RAB1A: variants seen among roughly 807,000 people sequenced by gnomAD.
RAB1A encodes ras-related protein Rab-1A.
A neutral mutation model predicts 26.0 loss-of-function variants in RAB1A; 2 were observed. The observed-to-expected ratio is 0.08, with a 90% CI of 0.03 to 0.24. The LOEUF (loss-of-function observed/expected upper bound fraction) is 0.24, where lower values mean the gene tolerates loss of function less well. Ranked by LOEUF, RAB1A falls within the 10% of genes least tolerant of loss-of-function variation. The pLI, the probability that RAB1A is intolerant of heterozygous loss-of-function variation, is 1.00. For missense variants in RAB1A, 100 were observed against 247.0 expected (o/e 0.40, Z 3.99); for synonymous variants, 84 against 84.9 (o/e 0.99, Z 0.06).
intron 1 of RAB1A, among the ~76,000 whole-genome samples, chr2:65,109,387 C>T (rs1669642387): frequency 6.6e-6 from 1 of 152,006 alleles, no homozygotes; most frequent in Non-Finnish European, 1.5e-5. Context: ...GTGAAAAAAA[C>T]TAAATTATGC....
chr2:65,123,090 G>A (rs112156227), intron 1 of RAB1A, among the ~76,000 whole-genome samples: 1 of 938 alleles, frequency 1.1e-3, no homozygotes, highest in Non-Finnish European at 2.3e-3. Flanking sequence ...ACCCAGAAGA[G>A]AAAACACACA....
At chr2:65,112,273 T>C (rs1389258274) in intron 1 of RAB1A, among the ~76,000 whole-genome samples, 1 of 150,854 alleles carries the variant, frequency 6.6e-6, no homozygotes, top group African/African-American at 2.4e-5. Context: ...TCAGCCTCCC[T>C]AGTAGCTGGG....
Position 65,129,988 on chromosome 2 carries a change from G to C in RAB1A, c.-73C>G. 6.6e-7 allele frequency: 1 copy of C among 1,508,380 alleles called. No homozygotes were observed. The highest frequency in any genetic ancestry group is 1.4e-5 in the African/African-American group (1 of 72,314). 93.4% of individuals were successfully genotyped at this position (1,508,380 alleles called of 1,614,324 possible). ...CGCCGCCCTGACTCTCCGCGCCACG[G>C]GTAATCGAAAGAAAGGAATGAGATA... On this transcript the variant is annotated 5_prime_UTR_variant, in exon 1 of 6. Coordinates refer to ENST00000409784, the MANE Select transcript of RAB1A (RefSeq NM_004161.5).
chr2:65,121,695 T>C (rs767306613), intron 1 of RAB1A, among the ~76,000 whole-genome samples: 42 of 152,130 alleles, frequency 2.8e-4, no homozygotes, highest in Admixed American at 5.9e-4. Flanking sequence ...CTTCCCTAAA[T>C]TACATTCCAG....
At chr2:65,104,433 C>T (rs1169739969) in intron 2 of RAB1A, among the ~76,000 whole-genome samples, 1 of 152,186 alleles carries the variant, frequency 6.6e-6, no homozygotes, top group Non-Finnish European at 1.5e-5. Flanking sequence ...GCTTTCAACA[C>T]AGGCCACCAA....
Position 65,130,040 on chromosome 2 carries a change from C to T in RAB1A, c.-125G>A. 1 of 1,070,378 alleles carries T rather than the reference C, an allele frequency of 9.3e-7. No homozygotes were observed. Among genetic ancestry groups the T allele is most frequent in the South Asian group, 1.3e-5 (1 of 74,162 alleles). The allele number at this position is 1,070,378 out of a possible 1,614,324, so 66.3% of individuals were successfully genotyped here. A position where few individuals can be genotyped will look rare whatever the true frequency, so the allele number is the denominator to read the frequency against. The stretch of plus-strand genomic sequence containing the variant: ...GCTGTTCCGGGAGAGCAAACGTCTT[C>T]CCCTACTCCGTCCCCTAGAACACAA... On this transcript the variant is annotated 5_prime_UTR_variant, in exon 1 of 6. Transcript: ENST00000409784.
chr2:65,113,890 T>G (rs1458128865), intron 1 of RAB1A, among the ~76,000 whole-genome samples: 1 of 152,232 alleles, frequency 6.6e-6, no homozygotes, highest in East Asian at 1.9e-4. Context: ...GTTTCTTCTT[T>G]ATACCTTTTT....
At chr2:65,089,765 C>T (rs548870862) in intron 4 of RAB1A, among the ~76,000 whole-genome samples, 20 of 147,410 alleles carry the variant, frequency 1.4e-4, no homozygotes, top group Admixed American at 1.4e-4. Context: ...TGCAATGGCG[C>T]GATCTCGGCT....
At chr2:65,120,617 T>C (rs1034739600) in intron 1 of RAB1A, among the ~76,000 whole-genome samples, 2 of 152,048 alleles carry the variant, frequency 1.3e-5, no homozygotes, top group African/African-American at 2.4e-5. Context: ...TAATCTGAGG[T>C]TCATGAACAG....
At chr2:65,118,570 C>G (rs1205089336) in intron 1 of RAB1A, among the ~76,000 whole-genome samples, 2 of 152,100 alleles carry the variant, frequency 1.3e-5, no homozygotes. Context: ...CTCTGCCTCC[C>G]GGGTTCAAGC....
chr2:65,112,234 C>T (rs1340349318), intron 1 of RAB1A, among the ~76,000 whole-genome samples: 4 of 151,522 alleles, frequency 2.6e-5, no homozygotes, highest in Non-Finnish European at 5.9e-5. Flanking sequence ...CAACCTCCAC[C>T]TCCCCCGGGT....
intron 1 of RAB1A, among the ~76,000 whole-genome samples, chr2:65,112,643 T>C (rs1199097021): frequency 6.6e-6 from 1 of 152,192 alleles, no homozygotes; most frequent in Non-Finnish European, 1.5e-5. Flanking sequence ...AAGTTCACTC[T>C]ATGAGAAAGC....
intron 3 of RAB1A, among the ~76,000 whole-genome samples, chr2:65,094,445 G>C (rs977587346): frequency 6.6e-6 from 1 of 152,046 alleles, no homozygotes; most frequent in Admixed American, 6.6e-5. Flanking sequence ...TTAGCCCGGC[G>C]TGGTGGCACA....
chr2:65,091,227 A>G, intron 3 of RAB1A, 149 bp from the exon 4 acceptor site: 1 of 579,652 alleles, frequency 1.7e-6, no homozygotes, highest in Non-Finnish European at 3.1e-6. Context: ...TCATACCACT[A>G]AATTGCACGG....
chr2:65,099,865 A>C, intron 2 of RAB1A, among the ~76,000 whole-genome samples: 1 of 152,212 alleles, frequency 6.6e-6, no homozygotes, highest in Non-Finnish European at 1.5e-5. Flanking sequence ...TTCTAATTAC[A>C]GAAAGAGGGA....
intron 2 of RAB1A, among the ~76,000 whole-genome samples, chr2:65,101,188 T>C (rs1669418427): frequency 6.6e-6 from 1 of 151,448 alleles, no homozygotes; most frequent in African/African-American, 2.4e-5. Context: ...TTCTTGTAAA[T>C]CTCTAAATGA....
In RAB1A at chr2:65,129,980, G is replaced by C; in HGVS notation, c.-65C>G. On this transcript the variant is annotated 5_prime_UTR_variant, in exon 1 of 6. Coordinates refer to ENST00000409784, the MANE Select transcript of RAB1A (RefSeq NM_004161.5). ...GCCGCAGCCGCCGCCCTGACTCTCC[G>C]CGCCACGGGTAATCGAAAGAAAGGA... 1 of 1,526,738 alleles carries C rather than the reference G, an allele frequency of 6.5e-7. No homozygotes were observed. The highest frequency in any genetic ancestry group is 8.9e-7 in the Non-Finnish European group (1 of 1,122,790). The allele number at this position is 1,526,738 out of a possible 1,614,324, so 94.6% of individuals were successfully genotyped here.
At chr2:65,096,616 C>T (rs907005757) in intron 3 of RAB1A, among the ~76,000 whole-genome samples, 9 of 152,086 alleles carry the variant, frequency 5.9e-5, no homozygotes, top group Non-Finnish European at 1.2e-4. Context: ...GTACTTATAT[C>T]GTGGGAAAAA....
chr2:65,113,814 G>C (rs1573083168), intron 1 of RAB1A, among the ~76,000 whole-genome samples: 1 of 152,196 alleles, frequency 6.6e-6, no homozygotes, highest in South Asian at 2.1e-4. Flanking sequence ...GGCATGGCTA[G>C]CTCATCTCAG....
Sources: allele counts gnomAD v4.1 joint callset (sites outside exome capture counted in the v4.1 genomes callset), GRCh38; gene constraint gnomAD v4.1.1; transcripts MANE v1.5; gene names NCBI Gene and HGNC (gene_info 2026-07-23, HGNC 2026-07-21).